Variants in HTRA1 observed in about 807,000 individuals in gnomAD.
HTRA1 encodes the protein serine protease HTRA1.
HTRA1 carries 26 observed loss-of-function variants against 49.7 expected under a neutral mutation model. That is an observed-to-expected ratio of 0.52 (90% CI 0.38 to 0.73). The LOEUF (loss-of-function observed/expected upper bound fraction) is 0.73. Among genes scored for constraint, HTRA1 ranks in the 30% least tolerant of loss-of-function variants. The probability of loss-of-function intolerance (pLI) is 0.00; values close to 1 mark genes in which losing one functional copy is unlikely to be tolerated. For synonymous variants in HTRA1, 291 were observed against 286.9 expected (o/e 1.01, Z -0.14); for missense variants, 561 against 667.2 (o/e 0.84, Z 1.75).
chr10:122,477,306 G>A (rs553780720), intron 1 of HTRA1, among the ~76,000 whole-genome samples: 16 of 152,176 alleles, frequency 1.1e-4, no homozygotes, highest in Non-Finnish European at 2.2e-4. Flanking sequence ...GGGCTGAAGG[G>A]GATGCCAAAG....
chr10:122,468,115 G>C (rs1290690955), intron 1 of HTRA1, among the ~76,000 whole-genome samples: 1 of 152,210 alleles, frequency 6.6e-6, no homozygotes. Flanking sequence ...GGACTCAGAG[G>C]TAAGGGCTGG....
At chr10:122,477,442 C>T (rs763827984) in intron 1 of HTRA1, among the ~76,000 whole-genome samples, 2 of 152,190 alleles carry the variant, frequency 1.3e-5, no homozygotes, top group Admixed American at 6.5e-5. Flanking sequence ...CTGCTGGCAC[C>T]TGGAGGATGG....
intron 3 of HTRA1, among the ~76,000 whole-genome samples, chr10:122,501,961 G>GTTT (rs541582341): frequency 1.9e-4 from 14 of 73,534 alleles, no homozygotes; most frequent in African/African-American, 5.9e-4. Flanking sequence ...TCCATTTGGA[G>GTTT]TTTTTTTTTT....
intron 1 of HTRA1, among the ~76,000 whole-genome samples, chr10:122,472,770 G>C (rs955805513): frequency 1.3e-4 from 20 of 152,132 alleles, no homozygotes; most frequent in African/African-American, 4.8e-4. Flanking sequence ...TTTGGGCCAA[G>C]GTTGCAATGT....
At chr10:122,477,028 C>T (rs1342100837) in intron 1 of HTRA1, among the ~76,000 whole-genome samples, 3 of 145,238 alleles carry the variant, frequency 2.1e-5, no homozygotes, top group East Asian at 2.0e-4. Flanking sequence ...AGTGCACTGG[C>T]GCAATCTTGG....
At chr10:122,513,238 C>T (rs1008526039) in intron 8 of HTRA1, among the ~76,000 whole-genome samples, 1 of 152,154 alleles carries the variant, frequency 6.6e-6, no homozygotes, top group Non-Finnish European at 1.5e-5. Flanking sequence ...GTGGCAACCA[C>T]ACAAAGGAAG....
chr10:122,481,757 G>T (rs2097491095), intron 1 of HTRA1, among the ~76,000 whole-genome samples: 1 of 152,176 alleles, frequency 6.6e-6, no homozygotes, highest in Non-Finnish European at 1.5e-5. Flanking sequence ...TGAATCATGG[G>T]GGCAGATCTT....
intron 3 of HTRA1, among the ~76,000 whole-genome samples, chr10:122,496,985 C>T (rs2097498983): frequency 6.6e-6 from 1 of 152,188 alleles, no homozygotes; most frequent in Admixed American, 6.5e-5. Context: ...TCTGAAAGCA[C>T]AAAGATTCAC....
chr10:122,514,906 T>C lies in HTRA1; in HGVS notation c.*547T>C, dbSNP rs1018894598. The C allele has an allele frequency of 1.1e-5, 2 of 176,968 alleles. No homozygotes were observed. Among genetic ancestry groups the C allele is most frequent in the African/African-American group, 2.4e-5 (1 of 42,036 alleles). The allele number at this position is 176,968 out of a possible 1,614,324, so 11.0% of individuals were successfully genotyped here. A position where few individuals can be genotyped will look rare whatever the true frequency, so the allele number is the denominator to read the frequency against. On this transcript the variant is annotated 3_prime_UTR_variant, in exon 9 of 9. Transcript: ENST00000368984. ...AGCTATTAAAGTACTTCTTACACAT[T>C]GCTTTCTGTAGTGCTTATTTTCCTT...
intron 3 of HTRA1, among the ~76,000 whole-genome samples, chr10:122,491,579 G>C (rs747152451): frequency 6.6e-6 from 1 of 152,246 alleles, no homozygotes; most frequent in Non-Finnish European, 1.5e-5. Context: ...GGCACATACC[G>C]TGCGGCTGCT....
intron 3 of HTRA1, among the ~76,000 whole-genome samples, chr10:122,499,142 G>A (rs985575428): frequency 7.9e-5 from 12 of 152,076 alleles, no homozygotes; most frequent in South Asian, 2.1e-4. Flanking sequence ...ACACAGAAGC[G>A]GCAGTGTCCT....
chr10:122,483,977 A>C (rs1183884442), intron 1 of HTRA1, among the ~76,000 whole-genome samples: 1 of 151,970 alleles, frequency 6.6e-6, no homozygotes, highest in African/African-American at 2.4e-5. Context: ...TATATAGACT[A>C]TCATATATAT....
chr10:122,468,341 A>G (rs2097484636), intron 1 of HTRA1, among the ~76,000 whole-genome samples: 1 of 152,152 alleles, frequency 6.6e-6, no homozygotes, highest in Admixed American at 6.5e-5. Context: ...CCTTATATGA[A>G]ACGCAAAGCA....
At chr10:122,496,215 G>T (rs2133442597) in intron 3 of HTRA1, among the ~76,000 whole-genome samples, 1 of 95,054 alleles carries the variant, frequency 1.1e-5, no homozygotes, top group South Asian at 3.3e-4. Context: ...TCGTTTGCCA[G>T]AGATTGTGGG....
chr10:122,498,274 T>C (rs1405064514), intron 3 of HTRA1, among the ~76,000 whole-genome samples: 2 of 152,240 alleles, frequency 1.3e-5, no homozygotes, highest in East Asian at 1.9e-4. Flanking sequence ...CTGTCCATTC[T>C]ACCTTCTCTA....
Position 122,507,400 on chromosome 10 carries a change from C to T in HTRA1, c.1003C>T (p.Leu335=), listed in dbSNP as rs775603210. 3 of 1,605,472 alleles carry T rather than the reference C, an allele frequency of 1.9e-6. No homozygotes were observed. Among genetic ancestry groups the T allele is most frequent in the Admixed American group, 3.3e-5 (2 of 59,982 alleles). The part of the protein sequence containing the change: ...YGNSGGPLVN[L]DGEVIGINTL... Reference sequence around the variant, plus strand: ...AAACTCGGGAGGCCCGTTAGTAAACCTGGTAAGGTCTTTTAAACCTATGTT... The same window carrying T: ...AAACTCGGGAGGCCCGTTAGTAAACTTGGTAAGGTCTTTTAAACCTATGTT... Residue 335 remains leucine, a splice_region_variant and synonymous_variant, in exon 5 of 9, where the codon CTG becomes TTG. Coordinates refer to ENST00000368984, the MANE Select transcript of HTRA1 (RefSeq NM_002775.5).
rs151110670 is a variant in HTRA1 at position 122,470,583 on chromosome 10, A to G, written c.472+8459A>G. Among the ~76,000 whole-genome samples the G allele has an allele frequency of 4.2e-3, 639 of 152,110 alleles. 4 individuals are homozygous for G. Among genetic ancestry groups the G allele is most frequent in the Admixed American group, 6.7e-3 (102 of 15,288 alleles). On this transcript the variant is annotated intron_variant, in intron 1 of 8. Coordinates refer to ENST00000368984, the MANE Select transcript of HTRA1 (RefSeq NM_002775.5). ...CAATGCTAGGAATCCTAAAGCATTG[A>G]AGTCCAGTGATATAAGGAATATGAA...
chr10:122,500,265 C>T (rs528916413), intron 3 of HTRA1, among the ~76,000 whole-genome samples: 103 of 152,216 alleles, frequency 6.8e-4, no homozygotes, highest in Middle Eastern at 3.4e-3. Flanking sequence ...TATAAGTTTG[C>T]GGGGATCATC....
intron 8 of HTRA1, 35 bp downstream of exon 8, chr10:122,512,100 CTTG>C (rs2097505919): frequency 2.8e-6 from 4 of 1,405,112 alleles, no homozygotes; most frequent in South Asian, 1.1e-5. Flanking sequence ...TCCCAATATT[CTTG>C]TTGTTCCTGT....
Sources: allele counts gnomAD v4.1 joint callset (sites outside exome capture counted in the v4.1 genomes callset), GRCh38; gene constraint gnomAD v4.1.1; transcripts MANE v1.5; gene names NCBI Gene and HGNC (gene_info 2026-07-23, HGNC 2026-07-21).